MYH15: variants seen among roughly 807,000 people sequenced by gnomAD.
MYH15 encodes the protein myosin-15.
A neutral mutation model predicts 240.5 loss-of-function variants in MYH15; 227 were observed. The observed-to-expected ratio is 0.94, with a 90% confidence interval of 0.85 to 1.05. The LOEUF is 1.05. MYH15 is among the 50% of genes least tolerant of loss of function. The pLI, the probability that MYH15 is intolerant of heterozygous loss-of-function variation, is 0.00. For synonymous variants in MYH15, 785 were observed against 796.7 expected, an observed-to-expected ratio of 0.99 and a Z score of 0.25; for missense variants, 2,217 against 2,247.5, an observed-to-expected ratio of 0.99 and a Z score of 0.27.
upstream of MYH15, among the ~76,000 whole-genome samples, chr3:108,529,971 G>A (rs777780981): frequency 3.3e-5 from 5 of 152,200 alleles, no homozygotes; most frequent in Admixed American, 6.5e-5. Flanking sequence ...CAAGTCATCA[G>A]TAGTGTAGTG....
intron 25 of MYH15, among the ~76,000 whole-genome samples, chr3:108,437,262 G>A (rs529148669): frequency 3.9e-4 from 54 of 139,614 alleles, no homozygotes; most frequent in African/African-American, 1.4e-3. Flanking sequence ...TTATTTTTTT[G>A]ACGTATAGCT....
the MYH15 span, among the ~76,000 whole-genome samples, chr3:108,548,834 C>T: frequency 1.3e-5 from 2 of 152,058 alleles, no homozygotes; most frequent in Non-Finnish European, 2.9e-5. Context: ...ACTGACAGTG[C>T]TAACTCATGA....
chr3:108,458,079 A>G (rs1170596597), intron 18 of MYH15, among the ~76,000 whole-genome samples: 2 of 152,156 alleles, frequency 1.3e-5, no homozygotes, highest in Non-Finnish European at 2.9e-5. Flanking sequence ...GGAGGGGTAC[A>G]GGGAGTAGAA....
At chr3:108,419,427 C>T (rs532291696) in intron 28 of MYH15, among the ~76,000 whole-genome samples, 46 of 152,256 alleles carry the variant, frequency 3.0e-4, no homozygotes, top group Admixed American at 2.7e-3. Flanking sequence ...CACTAATTTC[C>T]TCATCAAAAA....
chr3:108,543,994 T>C, the MYH15 span: 1 of 152,218 alleles, frequency 6.6e-6, no homozygotes. Context: ...AATTTAAGTG[T>C]TCCTACCAGA....
chr3:108,454,370 G>C (rs2083002146), intron 20 of MYH15, among the ~76,000 whole-genome samples: 1 of 151,944 alleles, frequency 6.6e-6, no homozygotes, highest in South Asian at 2.1e-4. Flanking sequence ...GTTTGCCTAA[G>C]AACTTAAACT....
At chr3:108,490,339 T>C (rs2083337096) in intron 9 of MYH15, among the ~76,000 whole-genome samples, 1 of 152,238 alleles carries the variant, frequency 6.6e-6, no homozygotes, top group African/African-American at 2.4e-5. Flanking sequence ...CTAAGCATAA[T>C]GGACTGGGAG....
At chr3:108,509,594 A>G (rs2083506252) in intron 1 of MYH15, among the ~76,000 whole-genome samples, 1 of 152,198 alleles carries the variant, frequency 6.6e-6, no homozygotes, top group African/African-American at 2.4e-5. Context: ...TTAAAGTCTA[A>G]TGTTGACTAA....
At chr3:108,520,110 T>A (rs1173044092) in intron 1 of MYH15, among the ~76,000 whole-genome samples, 1 of 152,192 alleles carries the variant, frequency 6.6e-6, no homozygotes, top group East Asian at 1.9e-4. Flanking sequence ...GTGGCTTCTG[T>A]TTCAAGATTT....
intron 28 of MYH15, among the ~76,000 whole-genome samples, chr3:108,417,141 T>C (rs2082640956): frequency 6.6e-6 from 1 of 152,230 alleles, no homozygotes; most frequent in South Asian, 2.1e-4. Context: ...AGCTGATTTT[T>C]AGTAATAAGT....
Position 108,497,147 on chromosome 3 carries a change from C to A in MYH15, c.618+905G>T, listed in dbSNP as rs1460030170. Among the ~76,000 whole-genome samples the A allele has an allele frequency of 2.0e-4, 19 of 95,564 alleles. No homozygotes were observed. In the East Asian group the frequency reaches 2.1e-3, roughly 11 times the overall value. The allele number at this position is 95,564 out of a possible 152,430, so 62.7% of individuals were successfully genotyped here. A position where few individuals can be genotyped will look rare whatever the true frequency, so the allele number is the denominator to read the frequency against. On this transcript the variant is annotated intron_variant, in intron 6 of 40. Transcript: ENST00000693548. ...CTGCAGTCCGGCCTGGGCGAAAGAG[C>A]GAGACTCCGTAAAAAAAAAAAAAAA...
chr3:108,487,484 A>G (rs542305201), intron 9 of MYH15, among the ~76,000 whole-genome samples: 1 of 152,388 alleles, frequency 6.6e-6, no homozygotes, highest in South Asian at 2.1e-4. Flanking sequence ...AACATGGAAG[A>G]ATTTCAAAAT....
chr3:108,384,192 T>C (rs1424329370), intron 39 of MYH15, among the ~76,000 whole-genome samples: 1 of 152,192 alleles, frequency 6.6e-6, no homozygotes, highest in Non-Finnish European at 1.5e-5. Flanking sequence ...ATATTAGGGA[T>C]AAATCAATAT....
At chr3:108,521,799 G>A (rs1303530134) in intron 1 of MYH15, among the ~76,000 whole-genome samples, 1 of 152,154 alleles carries the variant, frequency 6.6e-6, no homozygotes, top group Non-Finnish European at 1.5e-5. Context: ...TAGATACAGC[G>A]CCCTGGCTGG....
At chr3:108,469,976 A>G (rs2083157164) in intron 14 of MYH15, 66 bp downstream of exon 14, 4 of 1,486,988 alleles carry the variant, frequency 2.7e-6, no homozygotes, top group Non-Finnish European at 2.7e-6. Context: ...CCTGACATGG[A>G]TCAACATAGC....
chr3:108,470,853 A>T lies in MYH15; in HGVS notation c.1234-6T>A. On this transcript the variant is annotated splice_polypyrimidine_tract_variant and splice_region_variant and intron_variant, in intron 12 of 40. Coordinates refer to ENST00000693548, the MANE Select transcript of MYH15 (RefSeq NM_014981.3). The stretch of plus-strand genomic sequence containing the variant: ...GCACCGACAGCACAGGTTACCTAGA[A>T]ATCACATTGAAAACACTCCTTCATC... 6.2e-7 allele frequency: 1 copy of T among 1,612,692 alleles called. No individual in the cohort carries two copies. Among genetic ancestry groups the T allele is most frequent in the Non-Finnish European group, 8.5e-7 (1 of 1,179,122 alleles).
chr3:108,384,682 C>G lies in MYH15; in HGVS notation c.5631+5G>C. 1 of 1,612,544 alleles carries G rather than the reference C, an allele frequency of 6.2e-7. No homozygotes were observed. ...CATGAGGCTGAAACTTCCCCAGGCA[C>G]TCACCGCCACCTCGACTTGCTGCTT... On this transcript the variant is annotated splice_donor_5th_base_variant and intron_variant, in intron 39 of 40. Transcript: ENST00000693548.
intron 18 of MYH15, 49 bp from the exon 19 acceptor site, chr3:108,456,932 T>C (rs374170745): frequency 8.0e-6 from 11 of 1,373,510 alleles, no homozygotes; most frequent in East Asian, 2.3e-5. Flanking sequence ...AAAAAAATTA[T>C]TGGGACAGAT....
chr3:108,406,387 AGAT>A (rs1036983469), intron 32 of MYH15, among the ~76,000 whole-genome samples: 7 of 152,228 alleles, frequency 4.6e-5, no homozygotes, highest in African/African-American at 1.7e-4. Flanking sequence ...AAAAATAAAA[AGAT>A]GATGGGAATT....
Sources: gnomAD v4.1 joint callset for allele counts (sites outside exome capture counted in the v4.1 genomes callset) on GRCh38, gnomAD v4.1.1 for gene constraint, MANE v1.5 for transcripts, NCBI Gene and HGNC (gene_info 2026-07-23, HGNC 2026-07-21) for gene names.